The following SEPTIN9 variants were observed in gnomAD, a reference collection of about 807,000 sequenced individuals.
The protein encoded by SEPTIN9 is septin-9.
SEPTIN9 carries 13 observed loss-of-function variants against 56.6 expected under a neutral mutation model. The ratio of observed to expected loss-of-function variants is 0.23; its 90% CI spans 0.15 to 0.37. The LOEUF is 0.37. Ranked by LOEUF, SEPTIN9 falls within the 10% of genes least tolerant of loss-of-function variation. The probability of loss-of-function intolerance (pLI) is 1.00; values close to 1 mark genes in which losing one functional copy is unlikely to be tolerated. For missense variants in SEPTIN9, 650 were observed against 823.1 expected (o/e 0.79, Z 2.57); for synonymous variants, 332 against 334.1 (o/e 0.99, Z 0.07).
intron 2 of SEPTIN9, among the ~76,000 whole-genome samples, chr17:77,372,973 C>T (rs933204476): frequency 3.3e-5 from 5 of 152,154 alleles, no homozygotes; most frequent in East Asian, 1.9e-4. Flanking sequence ...ACCCTGCGCC[C>T]GGGGAAGGGG....
At chr17:77,488,051 A>C (rs1469860169) in intron 5 of SEPTIN9, among the ~76,000 whole-genome samples, 189 bp from the exon 6 acceptor site, 6 of 152,236 alleles carry the variant, frequency 3.9e-5, no homozygotes, top group Admixed American at 2.6e-4. Flanking sequence ...AAAGTCTGAC[A>C]GGCAAGGGGC....
chr17:77,497,310 C>T lies in SEPTIN9; in HGVS notation c.1574-5C>T, dbSNP rs369609856. ...CATTAAAGCCCCTCCTGTCTCCTCT[C>T]CTAGTTGAAAACACCACACACTGTG... is the stretch of plus-strand genomic sequence containing the variant. On this transcript the variant is annotated splice_region_variant and splice_polypyrimidine_tract_variant and intron_variant, in intron 10 of 11. Transcript: ENST00000427177. 6 of 1,613,406 alleles carry T rather than the reference C, an allele frequency of 3.7e-6. No individual in the cohort carries two copies. The highest frequency in any genetic ancestry group is 5.1e-6 in the Non-Finnish European group (6 of 1,179,654).
At chr17:77,458,938 G>A (rs1234487516) in intron 3 of SEPTIN9, among the ~76,000 whole-genome samples, 2 of 152,228 alleles carry the variant, frequency 1.3e-5, no homozygotes, top group African/African-American at 4.8e-5. Flanking sequence ...CGGGAGAGAT[G>A]GGAGTGAGAA....
In SEPTIN9 at chr17:77,450,635, T is replaced by A; in HGVS notation, c.722-31509T>A. On this transcript the variant is annotated intron_variant, in intron 3 of 11. Transcript: ENST00000427177. The surrounding 1 kb of genome is among the most constrained non-coding windows in gnomAD (Gnocchi z 6.0). Reference sequence around the variant, plus strand: ...CCTCCTCTGGGGACCCCCTTGCTTGTGCCCCTCTGGGTCCCAGCACATCCC... The same window carrying A: ...CCTCCTCTGGGGACCCCCTTGCTTGAGCCCCTCTGGGTCCCAGCACATCCC... 1 of 985,762 alleles carries A rather than the reference T, an allele frequency of 1.0e-6. No homozygotes were observed. Among genetic ancestry groups the A allele is most frequent in the Non-Finnish European group, 1.2e-6 (1 of 830,246 alleles). The allele number at this position is 985,762 out of a possible 1,614,324, so 61.1% of individuals were successfully genotyped here.
intron 3 of SEPTIN9, among the ~76,000 whole-genome samples, chr17:77,432,711 G>A (rs1367553445): frequency 6.6e-6 from 1 of 152,280 alleles, no homozygotes; most frequent in African/African-American, 2.4e-5. Flanking sequence ...CGGCACTCAC[G>A]CAGCATTAGC....
chr17:77,410,208 G>T (rs549861395), intron 3 of SEPTIN9, among the ~76,000 whole-genome samples: 5 of 152,210 alleles, frequency 3.3e-5, no homozygotes, highest in African/African-American at 9.6e-5. Flanking sequence ...GTTGAGGGAG[G>T]CATGGAGCTC....
intron 3 of SEPTIN9, among the ~76,000 whole-genome samples, chr17:77,443,100 A>C (rs957767379): frequency 1.3e-5 from 2 of 152,116 alleles, no homozygotes; most frequent in Admixed American, 1.3e-4. Context: ...AAGGGGCAAA[A>C]GCACATATTA....
chr17:77,392,642 G>A (rs548487773), intron 2 of SEPTIN9, among the ~76,000 whole-genome samples: 10 of 152,264 alleles, frequency 6.6e-5, no homozygotes, highest in African/African-American at 2.2e-4. Flanking sequence ...AAGGCAGAGG[G>A]GGAGGGGACT....
chr17:77,437,202 C>T lies in SEPTIN9; in HGVS notation c.721+34499C>T, dbSNP rs551833649. 2.6e-5 allele frequency among the ~76,000 whole-genome samples: 4 copies of T among 152,294 alleles called. No individual in the cohort carries two copies. Among genetic ancestry groups the T allele is most frequent in the Admixed American group, 6.5e-5 (1 of 15,298 alleles). ...CTCACCCCACCCCAGTGGGGCCCTG[C>T]GAGGGAAAGAAGAATGCCCTATGCA... On this transcript the variant is annotated intron_variant, in intron 3 of 11. Transcript: ENST00000427177. The surrounding 1 kb of genome is among the most constrained non-coding windows in gnomAD (Gnocchi z 5.3).
intron 1 of SEPTIN9, among the ~76,000 whole-genome samples, chr17:77,306,912 T>C (rs913616008): frequency 5.3e-5 from 8 of 152,002 alleles, no homozygotes; most frequent in African/African-American, 1.9e-4. Context: ...AGGATGTGTG[T>C]GAAGGTTTGG....
intron 2 of SEPTIN9, among the ~76,000 whole-genome samples, chr17:77,357,379 CA>C (rs57462542): frequency 0.5 from 75,705 of 151,760 alleles, 19,129 homozygotes; most frequent in East Asian, 0.78. Flanking sequence ...TGAAAATGTT[CA>C]AAACACATGG....
chr17:77,455,818 C>A (rs1313130100), intron 3 of SEPTIN9, among the ~76,000 whole-genome samples: 2 of 152,208 alleles, frequency 1.3e-5, no homozygotes, highest in Non-Finnish European at 2.9e-5. Context: ...CAACTTTTAT[C>A]CAAATAGTTT....
chr17:77,383,262 G>A (rs1353329242), intron 2 of SEPTIN9, among the ~76,000 whole-genome samples: 2 of 150,312 alleles, frequency 1.3e-5, no homozygotes, highest in Non-Finnish European at 3.0e-5. Flanking sequence ...TTACCCACAG[G>A]CACCTCCTGT....
chr17:77,375,453 T>G (rs1294746884), intron 2 of SEPTIN9: 2 of 152,238 alleles, frequency 1.3e-5, no homozygotes, highest in African/African-American at 4.8e-5. Context: ...TTGTGTTCGT[T>G]GTACAGCTGT....
chr17:77,293,087 G>A (rs1316701495), intron 1 of SEPTIN9, among the ~76,000 whole-genome samples: 2 of 152,034 alleles, frequency 1.3e-5, no homozygotes, highest in Non-Finnish European at 2.9e-5. Context: ...TGTGATCACA[G>A]CTCATGGCAG....
intron 2 of SEPTIN9, among the ~76,000 whole-genome samples, chr17:77,332,376 T>G (rs2033399301): frequency 6.6e-6 from 1 of 152,094 alleles, no homozygotes; most frequent in South Asian, 2.1e-4. Context: ...ACCATTTTGC[T>G]GTTTGCTTCA....
In SEPTIN9 at chr17:77,301,394, T is replaced by TTGTGTGTG. The variant is rs56947697; in HGVS notation, c.20-5709_20-5702dup. ...TTCAAGAAAAAAAATGGGAATAGATTTGTGTGTGTGTGTGTGTGTGTGTGT... is the reference window on the plus strand; with the variant it reads ...TTCAAGAAAAAAAATGGGAATAGATTTGTGTGTGTGTGTGTGTGTGTGTGTGTGTGTGT... On this transcript the variant is annotated intron_variant, in intron 1 of 11. Coordinates refer to ENST00000427177, the MANE Select transcript of SEPTIN9 (RefSeq NM_001113491.2). Among the ~76,000 whole-genome samples, 922 of 142,494 alleles carry TTGTGTGTG rather than the reference T, an allele frequency of 6.5e-3. 9 individuals are homozygous for TTGTGTGTG. The highest frequency in any genetic ancestry group is 0.023 in the African/African-American group (869 of 37,532). The allele number at this position is 142,494 out of a possible 152,430, so 93.5% of individuals were successfully genotyped here.
At chr17:77,370,524 TG>T (rs1158427478) in intron 2 of SEPTIN9, among the ~76,000 whole-genome samples, 1 of 152,136 alleles carries the variant, frequency 6.6e-6, no homozygotes, top group East Asian at 1.9e-4. Context: ...ATCTTTGTTT[TG>T]GGGGGGATCA....
Position 77,492,415 on chromosome 17 carries a change from G to A in SEPTIN9, c.1381-206G>A, listed in dbSNP as rs915664779. On this transcript the variant is annotated intron_variant, in intron 8 of 11. Transcript: ENST00000427177. This position sits in a 1 kb window ranked among gnomAD's most constrained non-coding sequence, Gnocchi z 5.4. ...TAAGCCCCTGGGGAGTTGCAGCGTC[G>A]CTCAGGACAGCAGGTGCACCTGCAG... Among the ~76,000 whole-genome samples, 6 of 152,222 alleles carry A rather than the reference G, an allele frequency of 3.9e-5. No individual in the cohort carries two copies. In the East Asian group the frequency reaches 7.7e-4, roughly 20 times the overall value.
Sources: gnomAD v4.1 joint callset for allele counts (sites outside exome capture counted in the v4.1 genomes callset) on GRCh38, gnomAD v4.1.1 for gene constraint, Gnocchi (gnomAD v3.1) non-coding constraint, MANE v1.5 for transcripts, NCBI Gene and HGNC (gene_info 2026-07-23, HGNC 2026-07-21) for gene names.